Variants in PSMD5 observed in about 807,000 individuals in gnomAD.
The protein encoded by PSMD5 is 26S proteasome non-ATPase regulatory subunit 5.
A neutral mutation model predicts 52.1 loss-of-function variants in PSMD5; 40 were observed. The observed-to-expected ratio is 0.77, with a 90% CI of 0.60 to 1.00. The LOEUF (loss-of-function observed/expected upper bound fraction) is 1.00. Among genes scored for constraint, PSMD5 ranks in the 50% least tolerant of loss-of-function variants. PSMD5 has a pLI of 0.00. For missense variants in PSMD5, 575 were observed against 605.2 expected (o/e 0.95, Z 0.52); for synonymous variants, 211 against 226.6 (o/e 0.93, Z 0.62).
At chr9:120,833,865 G>A (rs1248787020) in intron 1 of PSMD5, among the ~76,000 whole-genome samples, 2 of 150,062 alleles carry the variant, frequency 1.3e-5, no homozygotes, top group African/African-American at 4.9e-5. Flanking sequence ...TTTTAGAGAC[G>A]AGGTTTCACC....
Position 120,821,437 on chromosome 9 carries a change from C to G in PSMD5, c.1034G>C (p.Arg345Thr). Residue 345 changes from arginine (R) to threonine (T), a missense_variant, in exon 8 of 10, where the codon AGA becomes ACA. Physicochemically the swap from Arg to Thr is moderately conservative, Grantham distance 71 (BLOSUM62 -1). Transcript: ENST00000210313. ...GGCATTCTTTGATTGATGTCCTATT[C>G]TCATAAGCAAGCGTTCAAAGCGAGT... ...TGTRFERLLM[R>T]IGHQSKNAPV... is the part of the protein sequence containing the mutation. 1 of 1,601,030 alleles carries G rather than the reference C, an allele frequency of 6.2e-7. No homozygotes were observed. The highest frequency in any genetic ancestry group is 1.1e-5 in the South Asian group (1 of 89,188).
At chr9:120,827,539 T>C (rs2045130963) in intron 5 of PSMD5, among the ~76,000 whole-genome samples, 1 of 152,244 alleles carries the variant, frequency 6.6e-6, no homozygotes, top group African/African-American at 2.4e-5. Flanking sequence ...GATCCTAAAC[T>C]GTTTTGACTG....
In PSMD5 at chr9:120,842,797, C is replaced by G. The variant is rs750882965; in HGVS notation, c.113G>C (p.Arg38Pro). ...GAGGCGCAGCTCCGCCGCTTGCTGG[C>G]GAAGCTCGTTGAGCGGCACTGCCTG... Reference protein sequence around the residue: ...VLQAVPLNELRQQAAELRLGP... With the variant: ...VLQAVPLNELPQQAAELRLGP... Residue 38 changes from arginine (R) to proline (P), a missense_variant, in exon 1 of 10, where the codon CGC becomes CCC. Coordinates refer to ENST00000210313, the MANE Select transcript of PSMD5 (RefSeq NM_005047.4). 1.2e-6 allele frequency: 2 copies of G among 1,612,598 alleles called. No homozygotes were observed. The highest frequency in any genetic ancestry group is 1.1e-5 in the South Asian group (1 of 91,018).
chr9:120,829,448 C>CA (rs1350814467), intron 4 of PSMD5, among the ~76,000 whole-genome samples: 7 of 152,296 alleles, frequency 4.6e-5, no homozygotes, highest in Non-Finnish European at 8.8e-5. Context: ...GGCTGGAGTG[C>CA]AGTGGCGTGA....
At chr9:120,824,305 A>C (rs1308807315) in intron 7 of PSMD5, 189 bp downstream of exon 7, 1 of 174,790 alleles carries the variant, frequency 5.7e-6, no homozygotes, top group East Asian at 1.0e-4. Context: ...TGAAAAGTCA[A>C]AAAAAAAAAA....
chr9:120,837,694 T>C (rs983108850), intron 1 of PSMD5, among the ~76,000 whole-genome samples: 1 of 152,228 alleles, frequency 6.6e-6, no homozygotes, highest in African/African-American at 2.4e-5. Context: ...AGTTTGCCAG[T>C]TGCTTAAAAA....
chr9:120,828,153 C>T (rs192573580), intron 5 of PSMD5, among the ~76,000 whole-genome samples: 5 of 152,236 alleles, frequency 3.3e-5, no homozygotes, highest in East Asian at 3.9e-4. Flanking sequence ...CCCACCACCA[C>T]GCCCAGCTAA....
chr9:120,826,332 C>T (rs763098774), intron 6 of PSMD5, among the ~76,000 whole-genome samples: 6 of 152,064 alleles, frequency 3.9e-5, no homozygotes, highest in South Asian at 2.1e-4. Context: ...AACTTTTCAC[C>T]GCTGAGTATG....
At chr9:120,819,248 C>G (rs1032934908) in intron 9 of PSMD5, among the ~76,000 whole-genome samples, 3 of 152,204 alleles carry the variant, frequency 2.0e-5, no homozygotes, top group Non-Finnish European at 4.4e-5. Context: ...GTTAGACTTT[C>G]AGGATCCCAG....
chr9:120,838,042 T>G (rs2131436818), intron 1 of PSMD5, among the ~76,000 whole-genome samples: 1 of 152,336 alleles, frequency 6.6e-6, no homozygotes, highest in African/African-American at 2.4e-5. Flanking sequence ...GTATGATCCC[T>G]TCCCCCCATG....
At chr9:120,828,715 C>T (rs1043644064) in intron 5 of PSMD5, among the ~76,000 whole-genome samples, 1 of 152,232 alleles carries the variant, frequency 6.6e-6, no homozygotes, top group Non-Finnish European at 1.5e-5. Context: ...CGTGAGCCAC[C>T]GCACCCGGCC....
chr9:120,841,034 G>A (rs1257462771), intron 1 of PSMD5, among the ~76,000 whole-genome samples: 2 of 152,270 alleles, frequency 1.3e-5, no homozygotes, highest in East Asian at 3.9e-4. Context: ...ATACAGGCGT[G>A]AGCCACTGCA....
In PSMD5 at chr9:120,829,197, C is replaced by A; in HGVS notation, c.573G>T (p.Glu191Asp). 6.3e-7 allele frequency: 1 copy of A among 1,587,522 alleles called. No homozygotes were observed. Among genetic ancestry groups the A allele is most frequent in the South Asian group, 1.2e-5 (1 of 85,972 alleles). Reference sequence around the variant, plus strand: ...AAGATTCTGGTGACACGGAAGAAATCTCTATAATTAGCTGAAATAAAAAAA... The same window carrying A: ...AAGATTCTGGTGACACGGAAGAAATATCTATAATTAGCTGAAATAAAAAAA... Reference protein sequence around the residue: ...VRYRVYELIIEISSVSPESLN... With the variant: ...VRYRVYELIIDISSVSPESLN... The change falls in exon 5 of 10, where the codon GAG becomes GAT. Residue 191 changes from glutamate to aspartate, a missense_variant. Transcript: ENST00000210313.
chr9:120,830,934 A>G (rs1361407015), intron 4 of PSMD5, among the ~76,000 whole-genome samples: 1 of 151,972 alleles, frequency 6.6e-6, no homozygotes, highest in Non-Finnish European at 1.5e-5. Context: ...GCCAGGCTGG[A>G]GTGCAGTAGT....
chr9:120,841,337 T>C (rs576733520), intron 1 of PSMD5, among the ~76,000 whole-genome samples: 1 of 152,110 alleles, frequency 6.6e-6, no homozygotes, highest in South Asian at 2.1e-4. Context: ...CCCAGCACTT[T>C]GGGAGGCCGA....
intron 4 of PSMD5, among the ~76,000 whole-genome samples, chr9:120,830,929 G>T (rs1317794611): frequency 6.6e-6 from 1 of 151,892 alleles, no homozygotes. Context: ...TGTTGGCCAG[G>T]CTGGAGTGCA....
At position 120,816,278 on chromosome 9, in the gene PSMD5, A is replaced by G. The variant is rs2045041327; in HGVS notation, c.*1628T>C. On this transcript the variant is annotated 3_prime_UTR_variant, in exon 10 of 10. Transcript: ENST00000210313. ...AGTTTCAATTGTATAAGATGAAAATAATTCTGAAGATGGATGGTGGTGATG... is the reference window on the plus strand; with the variant it reads ...AGTTTCAATTGTATAAGATGAAAATGATTCTGAAGATGGATGGTGGTGATG... 1 of 152,346 alleles carries G rather than the reference A, an allele frequency of 6.6e-6. No homozygotes were observed. Among genetic ancestry groups the G allele is most frequent in the African/African-American group, 2.4e-5 (1 of 41,464 alleles). The allele number at this position is 152,346 out of a possible 1,614,324, so 9.4% of individuals were successfully genotyped here.
At chr9:120,840,032 G>T (rs2045223593) in intron 1 of PSMD5, among the ~76,000 whole-genome samples, 2 of 150,208 alleles carry the variant, frequency 1.3e-5, no homozygotes, top group African/African-American at 4.9e-5. Flanking sequence ...GGAGGCTGAG[G>T]CAGGAGAATT....
chr9:120,823,510 C>CT (rs1263218977), intron 7 of PSMD5, among the ~76,000 whole-genome samples: 2,585 of 108,626 alleles, frequency 0.024, 72 homozygotes, highest in South Asian at 0.067. Flanking sequence ...TACCTGGCCT[C>CT]TTTTTTTTTT....
Sources: allele counts gnomAD v4.1 joint callset (sites outside exome capture counted in the v4.1 genomes callset), GRCh38; gene constraint gnomAD v4.1.1; transcripts MANE v1.5; gene names NCBI Gene and HGNC (gene_info 2026-07-23, HGNC 2026-07-21).